The following MUCL1 variants were observed in gnomAD, a reference collection of about 807,000 sequenced individuals.
MUCL1 encodes mucin-like protein 1.
Under a neutral mutation model 9.2 loss-of-function variants are expected in MUCL1, and 11 were observed. The observed-to-expected ratio is 1.19, with a 90% CI of 0.75 to 1.97. The LOEUF (loss-of-function observed/expected upper bound fraction) is 1.97, where lower values mean the gene tolerates loss of function less well. MUCL1 is among the 30% of genes most tolerant of loss of function. The pLI, the probability that MUCL1 is intolerant of heterozygous loss-of-function variation, is 0.00. For synonymous variants in MUCL1, 48 were observed against 40.5 expected (o/e 1.19, Z -0.71); for missense variants, 144 against 110.9 (o/e 1.30, Z -1.34).
chr12:54,852,484 T>C (rs1868259764), upstream of MUCL1, among the ~76,000 whole-genome samples: 1 of 152,250 alleles, frequency 6.6e-6, no homozygotes, highest in Admixed American at 6.5e-5. Context: ...ATCCCTTCCT[T>C]ACACCTTATA....
intron 2 of MUCL1, among the ~76,000 whole-genome samples, chr12:54,855,943 A>G (rs1868295209): frequency 6.6e-6 from 1 of 152,244 alleles, no homozygotes. Context: ...CAGCATGGAT[A>G]GAGTGTGGGT....
At chr12:54,851,662 G>A (rs373888435), upstream of MUCL1, among the ~76,000 whole-genome samples, 6,655 of 152,094 alleles carry the variant, frequency 0.044, 171 homozygotes, top group Middle Eastern at 0.11. Context: ...TGGCCAGGGC[G>A]ATCAGGCAGG....
intron 1 of MUCL1, among the ~76,000 whole-genome samples, chr12:54,840,266 C>T (rs953918628): frequency 6.6e-6 from 1 of 152,158 alleles, no homozygotes; most frequent in African/African-American, 2.4e-5. Context: ...TATAGATAGC[C>T]TTAGTGTGTT....
intron 1 of MUCL1, among the ~76,000 whole-genome samples, chr12:54,843,184 A>G (rs1959220789): frequency 6.6e-6 from 1 of 152,228 alleles, no homozygotes. Context: ...CCATCATTAA[A>G]TGATGCAGGA....
At chr12:54,835,500 G>T (rs1959191467), upstream of MUCL1, among the ~76,000 whole-genome samples, 1 of 151,866 alleles carries the variant, frequency 6.6e-6, no homozygotes, top group African/African-American at 2.4e-5. Flanking sequence ...GCATTTCCCT[G>T]ATGATTAGCA....
rs1306197355 is a variant in MUCL1 at position 54,856,768 on chromosome 12, A to G, written c.101-2A>G. On this transcript the variant is annotated splice_acceptor_variant, in intron 2 of 3. Transcript: ENST00000308796. LOFTEE classifies it high-confidence loss of function. Reference sequence around the variant, plus strand: ...ACCTAGAGCTTTTCCTTCTAATTTCAGCTGGTCCTGCTGATGATGAAGCCC... The same window carrying G: ...ACCTAGAGCTTTTCCTTCTAATTTCGGCTGGTCCTGCTGATGATGAAGCCC... The G allele has an allele frequency of 6.2e-7, 1 of 1,609,626 alleles. No individual in the cohort carries two copies. The highest frequency in any genetic ancestry group is 8.5e-7 in the Non-Finnish European group (1 of 1,177,826).
chr12:54,846,207 G>A (rs1293935590), intron 1 of MUCL1, among the ~76,000 whole-genome samples: 1 of 152,118 alleles, frequency 6.6e-6, no homozygotes, highest in Non-Finnish European at 1.5e-5. Flanking sequence ...GTCTGCAGAT[G>A]GCAAAACTGA....
At chr12:54,856,073 C>G (rs1360147050) in intron 2 of MUCL1, among the ~76,000 whole-genome samples, 1 of 151,656 alleles carries the variant, frequency 6.6e-6, no homozygotes, top group Non-Finnish European at 1.5e-5. Context: ...ATTTTCAAAA[C>G]TCTTACCCAG....
At chr12:54,840,435 T>A (rs774783122) in intron 1 of MUCL1, among the ~76,000 whole-genome samples, 9 of 152,230 alleles carry the variant, frequency 5.9e-5, no homozygotes, top group African/African-American at 9.6e-5. Flanking sequence ...GATGCTGTAA[T>A]GGACTGTGTC....
chr12:54,850,218 G>T (rs1167284278), upstream of MUCL1, among the ~76,000 whole-genome samples: 2 of 151,982 alleles, frequency 1.3e-5, no homozygotes, highest in Non-Finnish European at 2.9e-5. Flanking sequence ...GTGCAGGTTT[G>T]TTACATATGT....
At chr12:54,852,864 CT>C (rs148606277), upstream of MUCL1, among the ~76,000 whole-genome samples, 2,794 of 152,246 alleles carry the variant, frequency 0.018, 85 homozygotes, top group African/African-American at 0.064. Flanking sequence ...AAATATTTCT[CT>C]TTCACTTTTC....
chr12:54,835,410 C>T (rs1237594213), upstream of MUCL1, among the ~76,000 whole-genome samples: 1 of 152,120 alleles, frequency 6.6e-6, no homozygotes, highest in Admixed American at 6.6e-5. Flanking sequence ...ACCTCTACAC[C>T]AACATCTACT....
chr12:54,840,643 G>A (rs1959206039), intron 1 of MUCL1, among the ~76,000 whole-genome samples: 1 of 152,190 alleles, frequency 6.6e-6, no homozygotes, highest in Non-Finnish European at 1.5e-5. Flanking sequence ...CCAGGTTATG[G>A]CTGGGTCAGG....
chr12:54,847,353 C>T (rs745968660), intron 1 of MUCL1, among the ~76,000 whole-genome samples: 13 of 152,188 alleles, frequency 8.5e-5, no homozygotes, highest in Admixed American at 2.0e-4. Context: ...CAGTGGCTCA[C>T]GCCTGTAATC....
intron 1 of MUCL1, among the ~76,000 whole-genome samples, chr12:54,847,886 C>G (rs1386637388): frequency 1.3e-5 from 2 of 152,164 alleles, no homozygotes; most frequent in African/African-American, 4.8e-5. Flanking sequence ...ATTCAGATTT[C>G]TAATGCTAGA....
At chr12:54,839,077 A>T (rs967184274), upstream of MUCL1, among the ~76,000 whole-genome samples, 3 of 151,996 alleles carry the variant, frequency 2.0e-5, no homozygotes, top group Non-Finnish European at 2.9e-5. Flanking sequence ...TTTTAAATTT[A>T]TTTTTAATTT....
chr12:54,836,583 G>T (rs1278834052), upstream of MUCL1, among the ~76,000 whole-genome samples: 3 of 151,958 alleles, frequency 2.0e-5, no homozygotes, highest in African/African-American at 7.2e-5. Flanking sequence ...ATTTCATTCA[G>T]TTCTGTTCTG....
chr12:54,847,693 T>C (rs753242849), intron 1 of MUCL1, among the ~76,000 whole-genome samples: 3 of 152,138 alleles, frequency 2.0e-5, no homozygotes, highest in Non-Finnish European at 2.9e-5. Flanking sequence ...ATAATGGGTA[T>C]TATGATAAGA....
At chr12:54,850,363 C>G (rs988747630), upstream of MUCL1, among the ~76,000 whole-genome samples, 1 of 148,082 alleles carries the variant, frequency 6.8e-6, no homozygotes, top group South Asian at 2.1e-4. Context: ...CCTGTGTCCA[C>G]GTGTTCTCAT....
Sources: gnomAD v4.1 joint callset for allele counts (sites outside exome capture counted in the v4.1 genomes callset) on GRCh38, gnomAD v4.1.1 for gene constraint, MANE v1.5 for transcripts, NCBI Gene and HGNC (gene_info 2026-07-23, HGNC 2026-07-21) for gene names.